Variants in TDRD5 observed in about 807,000 individuals in gnomAD.
TDRD5 encodes the protein tudor domain containing 5, also known as tudor domain-containing protein 5.
Under a neutral mutation model 120.6 loss-of-function variants are expected in TDRD5, and 41 were observed. The observed-to-expected ratio is 0.34, with a 90% confidence interval of 0.26 to 0.44. TDRD5 has a LOEUF of 0.44. Ranked by LOEUF, TDRD5 falls within the 20% of genes least tolerant of loss-of-function variation. The pLI, the probability that TDRD5 is intolerant of heterozygous loss-of-function variation, is 1.00. For synonymous variants in TDRD5, 430 were observed against 433.7 expected, an observed-to-expected ratio of 0.99 and a Z score of 0.11; for missense variants, 1,006 against 1,221.2, an observed-to-expected ratio of 0.82 and a Z score of 2.63.
intron 4 of TDRD5, among the ~76,000 whole-genome samples, chr1:179,613,899 G>A (rs1676419130): frequency 6.6e-6 from 1 of 152,188 alleles, no homozygotes; most frequent in Non-Finnish European, 1.5e-5. Context: ...GTATGTTTCT[G>A]TGCCAGTTTT....
intron 4 of TDRD5, among the ~76,000 whole-genome samples, chr1:179,610,036 G>C (rs985907897): frequency 2.6e-4 from 39 of 152,230 alleles, no homozygotes; most frequent in African/African-American, 9.4e-4. Context: ...GGTGGGCAGG[G>C]TGTAGGAGGG....
intron 17 of TDRD5, among the ~76,000 whole-genome samples, chr1:179,689,349 C>T (rs1680969372): frequency 6.6e-6 from 1 of 152,200 alleles, no homozygotes; most frequent in East Asian, 1.9e-4. Context: ...GTATCACCAG[C>T]AGAGGCTGCA....
intron 17 of TDRD5, among the ~76,000 whole-genome samples, chr1:179,688,178 G>A (rs1306157941): frequency 6.6e-6 from 1 of 152,186 alleles, no homozygotes; most frequent in Admixed American, 6.5e-5. Flanking sequence ...TGCAGTGGCT[G>A]GTACCAGTTG....
intron 11 of TDRD5, among the ~76,000 whole-genome samples, chr1:179,642,835 G>A (rs1678127818): frequency 6.6e-6 from 1 of 152,096 alleles, no homozygotes; most frequent in Admixed American, 6.6e-5. Flanking sequence ...TAGCATAATA[G>A]CAACAGACTA....
At position 179,690,287 on chromosome 1, in the gene TDRD5, C is replaced by G. The variant is rs149619737; in HGVS notation, c.2861-409C>G. ...GGTTTTATTTTTACCCTGGCACAGA[C>G]TTGGAATTGGAACAACTGTGGCAAT... On this transcript the variant is annotated intron_variant, in intron 17 of 17. Coordinates refer to ENST00000444136, the MANE Select transcript of TDRD5 (RefSeq NM_001199085.3). Among the ~76,000 whole-genome samples, 456 of 152,290 alleles carry G rather than the reference C, an allele frequency of 3.0e-3. 2 individuals are homozygous for G. The highest frequency in any genetic ancestry group is 3.9e-3 in the Admixed American group (59 of 15,292).
At position 179,652,052 on chromosome 1, in the gene TDRD5, T is replaced by C. The variant is rs1678748490; in HGVS notation, c.2015T>C (p.Leu672Pro). ...TTTTAATCTTAGGGTTTCAGTGAGC[T>C]CAACCCTTTAGCTTTATACACGACA... is the stretch of plus-strand genomic sequence containing the variant. ...ENISSKGFSE[L>P]NPLALYTTSS... Residue 672 changes from leucine (L) to proline (P), a missense_variant, in exon 13 of 18, where the codon CTC becomes CCC. This residue lies in a region of TDRD5 where 403 missense variants were observed against 448.1 expected (regional missense o/e 0.90). Transcript: ENST00000444136. The C allele has an allele frequency of 6.2e-7, 1 of 1,613,110 alleles. No individual in the cohort carries two copies. The highest frequency in any genetic ancestry group is 1.3e-5 in the African/African-American group (1 of 74,846).
At position 179,658,201 on chromosome 1, in the gene TDRD5, T is replaced by A. The variant is rs557858889; in HGVS notation, c.2322+3839T>A. On this transcript the variant is annotated intron_variant, in intron 14 of 17. Transcript: ENST00000444136. The stretch of plus-strand genomic sequence containing the variant: ...AGGTTGAATATTGTTACATTGTGTA[T>A]ATATACCACGTTTTCTTTATTTGTT... Among the ~76,000 whole-genome samples the A allele has an allele frequency of 7.9e-5, 12 of 152,324 alleles. No homozygotes were observed. The East Asian group carries it at 1.9e-3, about 24-fold the overall frequency.
chr1:179,654,539 C>T (rs948065316), intron 14 of TDRD5, among the ~76,000 whole-genome samples, 177 bp downstream of exon 14: 9 of 152,010 alleles, frequency 5.9e-5, no homozygotes, highest in South Asian at 4.2e-4. Flanking sequence ...CTGAGGTGGG[C>T]GGATCACTTG....
At chr1:179,630,166 T>A (rs951330325) in intron 6 of TDRD5, among the ~76,000 whole-genome samples, 1 of 152,032 alleles carries the variant, frequency 6.6e-6, no homozygotes, top group South Asian at 2.1e-4. Flanking sequence ...CCTGGCTAAT[T>A]TTTTGTATTG....
At chr1:179,625,912 T>C (rs6425582) in intron 6 of TDRD5, among the ~76,000 whole-genome samples, 50,962 of 151,416 alleles carry the variant, frequency 0.34, 8,706 homozygotes, top group Admixed American at 0.41. Flanking sequence ...ATGTCCTTTG[T>C]AGGGACATGG....
intron 17 of TDRD5, among the ~76,000 whole-genome samples, chr1:179,678,896 A>G (rs1680279009): frequency 6.6e-6 from 1 of 152,174 alleles, no homozygotes; most frequent in Non-Finnish European, 1.5e-5. Context: ...GACTTCCATT[A>G]TAGAGTTGAA....
chr1:179,684,567 A>T (rs538981805), intron 17 of TDRD5, among the ~76,000 whole-genome samples: 2 of 152,328 alleles, frequency 1.3e-5, no homozygotes, highest in East Asian at 3.9e-4. Context: ...ATACCCAGTG[A>T]TGGGATGACT....
intron 11 of TDRD5, among the ~76,000 whole-genome samples, chr1:179,648,364 G>T (rs1330968437): frequency 6.0e-4 from 81 of 135,260 alleles, no homozygotes; most frequent in Non-Finnish European, 7.4e-4. Context: ...ACCAAACACC[G>T]CATATTCTCA....
chr1:179,593,515 C>G lies in TDRD5; in HGVS notation c.288C>G (p.Ser96Arg), dbSNP rs372250743. 1 of 1,614,044 alleles carries G rather than the reference C, an allele frequency of 6.2e-7. No homozygotes were observed. Among genetic ancestry groups the G allele is most frequent in the Non-Finnish European group, 8.5e-7 (1 of 1,180,000 alleles). The change falls in exon 3 of 18, where the codon AGC becomes AGG. Residue 96 changes from serine to arginine, a missense_variant. Physicochemically the swap from Ser to Arg is moderately radical, Grantham distance 110. Transcript: ENST00000444136. Reference protein sequence around the residue: ...GIASLVAKQRSSHKLRNSMHK... With the variant: ...GIASLVAKQRRSHKLRNSMHK... Reference sequence around the variant, plus strand: ...CAAGCTTAGTTGCAAAACAGAGGAGCAGCCATAAGCTTCGAAACTCAATGC... The same window carrying G: ...CAAGCTTAGTTGCAAAACAGAGGAGGAGCCATAAGCTTCGAAACTCAATGC...
At chr1:179,658,623 T>C (rs1679127371) in intron 14 of TDRD5, among the ~76,000 whole-genome samples, 1 of 152,178 alleles carries the variant, frequency 6.6e-6, no homozygotes. Flanking sequence ...GGGTCTGCAA[T>C]GATAATCTCC....
At chr1:179,653,285 T>G (rs1678818512) in intron 13 of TDRD5, among the ~76,000 whole-genome samples, 1 of 152,226 alleles carries the variant, frequency 6.6e-6, no homozygotes, top group Admixed American at 6.5e-5. Context: ...TTTTGTTTAG[T>G]GTGTTTTGTA....
intron 17 of TDRD5, among the ~76,000 whole-genome samples, chr1:179,683,435 C>T (rs1303986577): frequency 2.6e-5 from 4 of 152,148 alleles, no homozygotes; most frequent in Non-Finnish European, 4.4e-5. Context: ...CCTGTAAAAT[C>T]ACATTATTTA....
chr1:179,665,714 C>T (rs988151024), intron 16 of TDRD5, among the ~76,000 whole-genome samples: 2 of 152,096 alleles, frequency 1.3e-5, no homozygotes, highest in Admixed American at 1.3e-4. Context: ...TTAATTTATA[C>T]CCCACGAAGA....
intron 11 of TDRD5, among the ~76,000 whole-genome samples, chr1:179,647,202 A>G (rs1236758262): frequency 1.4e-5 from 2 of 141,852 alleles, no homozygotes; most frequent in African/African-American, 5.1e-5. Context: ...TTCAAACTAT[A>G]CTACAAGGCT....
Sources: gnomAD v4.1 joint callset for allele counts (sites outside exome capture counted in the v4.1 genomes callset) on GRCh38, gnomAD v4.1.1 for gene constraint, gnomAD v4.1.1 regional missense constraint, MANE v1.5 for transcripts, NCBI Gene and HGNC (gene_info 2026-07-23, HGNC 2026-07-21) for gene names.